The following RBFOX1 variants were observed in gnomAD, a reference collection of about 807,000 sequenced individuals.
The protein encoded by RBFOX1 is RNA binding fox-1 homolog 1, also known as RNA binding protein fox-1 homolog 1.
A neutral mutation model predicts 57.7 loss-of-function variants in RBFOX1; 8 were observed. The observed-to-expected ratio is 0.14, with a 90% CI of 0.08 to 0.25. The LOEUF (loss-of-function observed/expected upper bound fraction) is 0.25, where lower values mean the gene tolerates loss of function less well. Among genes scored for constraint, RBFOX1 ranks in the 10% least tolerant of loss-of-function variants. The pLI is 1.00. For synonymous variants in RBFOX1, 326 were observed against 222.4 expected (o/e 1.47, Z -4.15); for missense variants, 611 against 548.5 (o/e 1.11, Z -1.14).
At chr16:7,566,186 C>T (rs10163226) in intron 5 of RBFOX1, among the ~76,000 whole-genome samples, 23,965 of 152,024 alleles carry the variant, frequency 0.16, 2,108 homozygotes, top group South Asian at 0.24. Context: ...AATAAGAAAA[C>T]CTGTCAGTGA....
intron 3 of RBFOX1, among the ~76,000 whole-genome samples, chr16:6,844,536 G>A (rs899625059): frequency 2.0e-5 from 3 of 151,996 alleles, no homozygotes; most frequent in Admixed American, 6.6e-5. Context: ...TGGCTGCATA[G>A]TATTCCATGG....
At chr16:7,102,290 T>C (rs1010586664) in intron 4 of RBFOX1, among the ~76,000 whole-genome samples, 1 of 152,216 alleles carries the variant, frequency 6.6e-6, no homozygotes, top group Non-Finnish European at 1.5e-5. Context: ...TCTTTGTCTA[T>C]CCATAGACTA....
chr16:5,797,561 C>G (rs1597295891), intron 3 of RBFOX1, among the ~76,000 whole-genome samples: 1 of 152,164 alleles, frequency 6.6e-6, no homozygotes, highest in East Asian at 1.9e-4. Context: ...TTATTTTATT[C>G]ACTTCTGAGC....
At chr16:6,671,230 C>T (rs551166199) in intron 3 of RBFOX1, among the ~76,000 whole-genome samples, 1 of 152,268 alleles carries the variant, frequency 6.6e-6, no homozygotes, top group South Asian at 2.1e-4. Flanking sequence ...AACCTAAATG[C>T]TTAATCTTAA....
intron 3 of RBFOX1, among the ~76,000 whole-genome samples, chr16:5,609,354 C>T (rs1220527660): frequency 6.6e-6 from 1 of 152,216 alleles, no homozygotes; most frequent in East Asian, 1.9e-4. Flanking sequence ...ATCCAGCCAT[C>T]TTACATTCTC....
At chr16:5,993,735 A>T (rs773031622) in intron 4 of RBFOX1, among the ~76,000 whole-genome samples, 17 of 152,124 alleles carry the variant, frequency 1.1e-4, no homozygotes, top group Non-Finnish European at 2.5e-4. Context: ...TTTGGGTGGG[A>T]TGATGTATCG....
At chr16:7,495,509 A>G (rs541970767) in intron 4 of RBFOX1, among the ~76,000 whole-genome samples, 1 of 152,330 alleles carries the variant, frequency 6.6e-6, no homozygotes, top group East Asian at 1.9e-4. Context: ...ACTAATAGGC[A>G]TTTTGACTGG....
intron 1 of RBFOX1, among the ~76,000 whole-genome samples, chr16:6,213,362 G>A (rs2097310913): frequency 2.0e-5 from 3 of 152,082 alleles, no homozygotes. Flanking sequence ...GGGGCCTTCA[G>A]TGGGTAACAG....
At chr16:5,867,341 A>C (rs2057366656) in intron 4 of RBFOX1, 1 of 1,202,090 alleles carries the variant, frequency 8.3e-7, no homozygotes, top group African/African-American at 1.6e-5. Context: ...CTGAGGTAGG[A>C]AACGTGGTTT....
At chr16:6,615,122 T>G (rs1001465446) in intron 2 of RBFOX1, among the ~76,000 whole-genome samples, 3 of 152,210 alleles carry the variant, frequency 2.0e-5, no homozygotes, top group African/African-American at 7.2e-5. Context: ...GCAAACTCAT[T>G]GTATAAAATA....
chr16:5,820,706 G>A lies in RBFOX1; in HGVS notation c.319-46597G>A, dbSNP rs115224877. On this transcript the variant is annotated intron_variant, in intron 3 of 19. Coordinates refer to the RBFOX1 transcript ENST00000641259. The stretch of plus-strand genomic sequence containing the variant: ...GCGTTACCCTGAATTGTTGGGACGC[G>A]ACTCCAGCAGCGTCCTGAGTGACAC... 2.6e-3 allele frequency among the ~76,000 whole-genome samples: 401 copies of A among 152,214 alleles called. 2 individuals are homozygous for A. Among genetic ancestry groups the A allele is most frequent in the African/African-American group, 9.2e-3 (383 of 41,544 alleles).
intron 4 of RBFOX1, among the ~76,000 whole-genome samples, chr16:7,182,452 G>T (rs1271853712): frequency 4.6e-5 from 7 of 152,188 alleles, no homozygotes; most frequent in Admixed American, 3.9e-4. Context: ...AGCAGCAGCA[G>T]CTGAATTTCT....
intron 1 of RBFOX1, among the ~76,000 whole-genome samples, chr16:6,136,740 C>A (rs773783965): frequency 1.3e-5 from 2 of 152,140 alleles, no homozygotes; most frequent in African/African-American, 4.8e-5. Flanking sequence ...CCCAAAATAC[C>A]TAATGCATCA....
At chr16:6,022,455 C>T (rs1363312188) in intron 1 of RBFOX1, among the ~76,000 whole-genome samples, 2 of 151,986 alleles carry the variant, frequency 1.3e-5, no homozygotes, top group Admixed American at 6.6e-5. Context: ...CTGAGGTGGG[C>T]GTATTGCTTG....
chr16:5,368,750 A>C (rs915358375), intron 1 of RBFOX1, among the ~76,000 whole-genome samples: 10 of 152,140 alleles, frequency 6.6e-5, no homozygotes, highest in Admixed American at 3.9e-4. Context: ...CTCTCTAAGC[A>C]GGGGGTCTCA....
At chr16:7,290,206 G>A (rs956619019) in intron 4 of RBFOX1, among the ~76,000 whole-genome samples, 7 of 152,176 alleles carry the variant, frequency 4.6e-5, no homozygotes, top group Admixed American at 1.3e-4. Context: ...AGCATGTATC[G>A]TAAAGGCAAT....
At chr16:7,579,587 T>A (rs2093595686) in intron 5 of RBFOX1, among the ~76,000 whole-genome samples, 190 bp from the exon 6 acceptor site, 1 of 152,210 alleles carries the variant, frequency 6.6e-6, no homozygotes, top group Non-Finnish European at 1.5e-5. Flanking sequence ...CCCAGATTCA[T>A]AATGAGCACC....
At chr16:6,817,037 C>A (rs2090234404) in intron 3 of RBFOX1, among the ~76,000 whole-genome samples, 1 of 152,116 alleles carries the variant, frequency 6.6e-6, no homozygotes, top group African/African-American at 2.4e-5. Context: ...TGCGAGTCAC[C>A]ATGCTCAGCC....
chr16:5,842,738 A>G (rs1005100523), intron 3 of RBFOX1, among the ~76,000 whole-genome samples: 1 of 152,188 alleles, frequency 6.6e-6, no homozygotes, highest in South Asian at 2.1e-4. Flanking sequence ...CCATAATAAT[A>G]ACAAGGTGGG....
Sources: gnomAD v4.1 joint callset for allele counts (sites outside exome capture counted in the v4.1 genomes callset) on GRCh38, gnomAD v4.1.1 for gene constraint, MANE v1.5 for transcripts, NCBI Gene and HGNC (gene_info 2026-07-23, HGNC 2026-07-21) for gene names.